Variants in CFAP299 observed in about 807,000 individuals in gnomAD.
CFAP299 encodes cilia- and flagella-associated protein 299.
Under a neutral mutation model 27.0 loss-of-function variants are expected in CFAP299, and 21 were observed. The ratio of observed to expected loss-of-function variants is 0.78; its 90% CI spans 0.55 to 1.12. The LOEUF is 1.12. CFAP299 is among the 50% of genes most tolerant of loss of function. CFAP299 has a pLI of 0.00. For missense variants in CFAP299, 310 were observed against 276.6 expected, an observed-to-expected ratio of 1.12 and a Z score of -0.86; for synonymous variants, 104 against 98.1, an observed-to-expected ratio of 1.06 and a Z score of -0.36.
chr4:80,759,527 A>C (rs1725436821), intron 3 of CFAP299, among the ~76,000 whole-genome samples: 2 of 152,120 alleles, frequency 1.3e-5, no homozygotes, highest in Non-Finnish European at 2.9e-5. Context: ...GTTTTGTTTT[A>C]TTGTTGTATT....
At chr4:80,765,607 A>G (rs1438733178) in intron 3 of CFAP299, among the ~76,000 whole-genome samples, 2 of 152,066 alleles carry the variant, frequency 1.3e-5, no homozygotes, top group Non-Finnish European at 1.5e-5. Flanking sequence ...TGCTATAAAA[A>G]TAAATTTTTT....
In CFAP299 at chr4:80,355,354, CTTTTTTTTTT is replaced by C. The variant is rs70944772; in HGVS notation, c.112-7388_112-7379del. The stretch of plus-strand genomic sequence containing the variant: ...TTTTGAAAAGTGTTCATGTCCTTTG[CTTTTTTTTTT>C]TTTTTTTTTTTGAGACAGAGTCTCG... On this transcript the variant is annotated intron_variant, in intron 1 of 5. Coordinates refer to ENST00000358105, the MANE Select transcript of CFAP299 (RefSeq NM_152770.3). 8.4e-5 allele frequency among the ~76,000 whole-genome samples: 8 copies of C among 95,502 alleles called. No homozygotes were observed. The South Asian group carries it at 3.1e-3, about 36-fold the overall frequency. The allele number at this position is 95,502 out of a possible 152,430, so 62.7% of individuals were successfully genotyped here. A position where few individuals can be genotyped will look rare whatever the true frequency, so the allele number is the denominator to read the frequency against.
chr4:80,589,267 A>G (rs530138910), intron 3 of CFAP299, among the ~76,000 whole-genome samples: 1 of 152,256 alleles, frequency 6.6e-6, no homozygotes, highest in Non-Finnish European at 1.5e-5. Flanking sequence ...GGTAAAACTC[A>G]TGTTTAAACT....
At chr4:80,771,393 T>C (rs112516133) in intron 3 of CFAP299, among the ~76,000 whole-genome samples, 1 of 152,222 alleles carries the variant, frequency 6.6e-6, no homozygotes, top group African/African-American at 2.4e-5. Context: ...CTTACATATA[T>C]AGATATTAAT....
At position 80,466,502 on chromosome 4, in the gene CFAP299, C is replaced by T. The variant is rs558444363; in HGVS notation, c.242+103618C>T. Among the ~76,000 whole-genome samples the T allele has an allele frequency of 5.0e-4, 76 of 152,200 alleles. 1 individual carries two copies. The highest frequency in any genetic ancestry group is 1.8e-3 in the African/African-American group (73 of 41,526). ...AAAATAAGTGCAAAGTATCTTGAGC[C>T]ATATTTCAAAACATTTAACCTGAGG... is the stretch of plus-strand genomic sequence containing the variant. On this transcript the variant is annotated intron_variant, in intron 2 of 5. Transcript: ENST00000358105.
chr4:80,616,498 T>A (rs1738289803), intron 3 of CFAP299, among the ~76,000 whole-genome samples: 1 of 152,012 alleles, frequency 6.6e-6, no homozygotes, highest in Admixed American at 6.6e-5. Context: ...TAGTCCCAAC[T>A]TTATTTTACA....
At chr4:80,522,685 A>C (rs933470261) in intron 2 of CFAP299, among the ~76,000 whole-genome samples, 1 of 152,034 alleles carries the variant, frequency 6.6e-6, no homozygotes, top group African/African-American at 2.4e-5. Flanking sequence ...TATGATGTAA[A>C]ATAGGGTCTA....
chr4:80,915,176 GT>G (rs1735682233), intron 4 of CFAP299, among the ~76,000 whole-genome samples: 1 of 151,616 alleles, frequency 6.6e-6, no homozygotes, highest in African/African-American at 2.4e-5. Flanking sequence ...TTATATAAAA[GT>G]TTTTAAATTT....
intron 4 of CFAP299, among the ~76,000 whole-genome samples, chr4:80,875,453 A>G (rs1405079214): frequency 6.6e-6 from 1 of 152,028 alleles, no homozygotes; most frequent in African/African-American, 2.4e-5. Context: ...CAAGGTCAAG[A>G]GTTCGAGACC....
chr4:80,815,608 T>C (rs1298080826), intron 3 of CFAP299, among the ~76,000 whole-genome samples: 3 of 152,008 alleles, frequency 2.0e-5, no homozygotes, highest in African/African-American at 7.2e-5. Flanking sequence ...GTAAACATAT[T>C]ACCAATCACA....
At chr4:80,748,740 A>C (rs1038918116) in intron 3 of CFAP299, among the ~76,000 whole-genome samples, 1 of 152,090 alleles carries the variant, frequency 6.6e-6, no homozygotes, top group Non-Finnish European at 1.5e-5. Context: ...TCTCCTCATC[A>C]ATATTATCTC....
Position 80,456,336 on chromosome 4 carries a change from G to A in CFAP299, c.242+93452G>A, listed in dbSNP as rs142080547. ...GAGTGTCCAGATATCTGATATAAAG[G>A]GATCTCCCTCTGGCTATAATAAGAA... On this transcript the variant is annotated intron_variant, in intron 2 of 5. Transcript: ENST00000358105. Among the ~76,000 whole-genome samples, 179 of 152,096 alleles carry A rather than the reference G, an allele frequency of 1.2e-3. 3 individuals are homozygous for A. Among genetic ancestry groups the A allele is most frequent in the Admixed American group, 9.7e-3 (148 of 15,238 alleles).
intron 3 of CFAP299, among the ~76,000 whole-genome samples, chr4:80,839,740 A>T (rs1396323782): frequency 1.3e-5 from 2 of 152,210 alleles, no homozygotes; most frequent in South Asian, 4.1e-4. Flanking sequence ...CTTTGAAAAA[A>T]AAAAAAGATA....
intron 3 of CFAP299, among the ~76,000 whole-genome samples, chr4:80,629,322 G>C (rs543342226): frequency 6.6e-5 from 10 of 152,222 alleles, no homozygotes; most frequent in South Asian, 4.2e-4. Flanking sequence ...TGAGAGTCAG[G>C]GGGGAGAGAT....
At chr4:80,728,578 C>T (rs988641304) in intron 3 of CFAP299, among the ~76,000 whole-genome samples, 1 of 152,036 alleles carries the variant, frequency 6.6e-6, no homozygotes, top group African/African-American at 2.4e-5. Flanking sequence ...TTAACCAATC[C>T]AGAAGCCTGG....
At chr4:80,376,164 G>A (rs1253529868) in intron 2 of CFAP299, among the ~76,000 whole-genome samples, 4 of 151,986 alleles carry the variant, frequency 2.6e-5, no homozygotes, top group Admixed American at 2.0e-4. Context: ...TCATATGAAT[G>A]GAATCATAAA....
At chr4:80,761,530 G>T (rs1725539093) in intron 3 of CFAP299, among the ~76,000 whole-genome samples, 1 of 151,740 alleles carries the variant, frequency 6.6e-6, no homozygotes, top group Admixed American at 6.6e-5. Context: ...TTATATGGAA[G>T]GAGGAAATAC....
rs78764452 is a variant in CFAP299, at chr4:80,741,749, A to G, written c.334-128244A>G. ...TCCACTTGTTCTAAGCCAGTGTAGC[A>G]CAAGGAATTGCCTAGAAATTGTAGT... On this transcript the variant is annotated intron_variant, in intron 3 of 5. Coordinates refer to ENST00000358105, the MANE Select transcript of CFAP299 (RefSeq NM_152770.3). Among the ~76,000 whole-genome samples the G allele has an allele frequency of 9.1e-3, 1,379 of 152,252 alleles. 21 individuals carry two copies. Among genetic ancestry groups the G allele is most frequent in the African/African-American group, 0.031 (1,268 of 41,552 alleles).
chr4:80,387,354 C>T (rs1169572590), intron 2 of CFAP299: 11 of 1,408,954 alleles, frequency 7.8e-6, no homozygotes, highest in Non-Finnish European at 9.1e-6. Flanking sequence ...TACACCTGCT[C>T]GTTCTTATGC....
Sources: allele counts gnomAD v4.1 joint callset (sites outside exome capture counted in the v4.1 genomes callset), GRCh38; gene constraint gnomAD v4.1.1; transcripts MANE v1.5; gene names NCBI Gene and HGNC (gene_info 2026-07-23, HGNC 2026-07-21).